Variants in SOX5 observed in about 807,000 individuals in gnomAD.
SOX5 encodes SRY-box transcription factor 5, also known as transcription factor SOX-5.
SOX5 carries 9 observed loss-of-function variants against 92.0 expected under a neutral mutation model. The observed-to-expected ratio is 0.10, with a 90% confidence interval of 0.06 to 0.17. SOX5 has a LOEUF of 0.17. Ranked by LOEUF, SOX5 falls within the 10% of genes least tolerant of loss-of-function variation. The pLI, the probability that SOX5 is intolerant of heterozygous loss-of-function variation, is 1.00. For synonymous variants in SOX5, 344 were observed against 336.3 expected, an observed-to-expected ratio of 1.02 and a Z score of -0.25; for missense variants, 642 against 944.5, an observed-to-expected ratio of 0.68 and a Z score of 4.20.
At position 23,727,929 on chromosome 12, in the gene SOX5, T is replaced by A. The variant is rs546989217; in HGVS notation, c.810+6755A>T. ...AGATGAAAATATATACACCTGTCAA[T>A]CCGTATGTCTGTCTACAGAGACAGG... On this transcript the variant is annotated intron_variant, in intron 6 of 14. Coordinates refer to ENST00000451604, the MANE Select transcript of SOX5 (RefSeq NM_006940.6). 1.6e-4 allele frequency among the ~76,000 whole-genome samples: 25 copies of A among 152,210 alleles called. No homozygotes were observed. The South Asian group carries it at 5.2e-3, about 32-fold the overall frequency.
At chr12:24,479,375 C>T (rs1302775285) in intron 1 of SOX5, among the ~76,000 whole-genome samples, 1 of 152,186 alleles carries the variant, frequency 6.6e-6, no homozygotes, top group Admixed American at 6.5e-5. Flanking sequence ...TAAGGCAGCA[C>T]CTATTAAGTG....
intron 1 of SOX5, among the ~76,000 whole-genome samples, chr12:23,916,100 G>T (rs2097413393): frequency 6.6e-6 from 1 of 152,066 alleles, no homozygotes; most frequent in Non-Finnish European, 1.5e-5. Context: ...AATGAAAAAA[G>T]AAAAACTAGT....
At chr12:23,645,596 T>C (rs1180912472) in intron 7 of SOX5, among the ~76,000 whole-genome samples, 9 of 152,230 alleles carry the variant, frequency 5.9e-5, no homozygotes, top group Non-Finnish European at 1.0e-4. Flanking sequence ...TGGGACACTT[T>C]TGCATTACTT....
chr12:23,919,325 T>C (rs1450657265), intron 1 of SOX5, among the ~76,000 whole-genome samples: 5 of 152,168 alleles, frequency 3.3e-5, no homozygotes, highest in Non-Finnish European at 5.9e-5. Flanking sequence ...TTAATGTTAG[T>C]ATAATCAAAA....
At chr12:24,530,331 G>A (rs116177807) in intron 1 of SOX5, among the ~76,000 whole-genome samples, 183 of 152,284 alleles carry the variant, frequency 1.2e-3, no homozygotes, top group African/African-American at 4.0e-3. Context: ...AGATGATGTC[G>A]TCGGATCCTC....
At chr12:24,127,272 T>A (rs1305421575) in intron 4 of SOX5, among the ~76,000 whole-genome samples, 1 of 151,584 alleles carries the variant, frequency 6.6e-6, no homozygotes, top group Non-Finnish European at 1.5e-5. Flanking sequence ...ATGCCTGTAG[T>A]CCCAGCTACT....
chr12:23,745,678 A>G (rs2093957845), intron 4 of SOX5, among the ~76,000 whole-genome samples: 2 of 152,096 alleles, frequency 1.3e-5, no homozygotes, highest in African/African-American at 4.8e-5. Flanking sequence ...TTCATTCTTC[A>G]TGCTCCAGCT....
At chr12:24,082,038 TTTG>T (rs1569536740) in intron 4 of SOX5, among the ~76,000 whole-genome samples, 1 of 151,882 alleles carries the variant, frequency 6.6e-6, no homozygotes, top group Non-Finnish European at 1.5e-5. Flanking sequence ...TGTATTTAAT[TTTG>T]TTGTTGTTGT....
intron 6 of SOX5, among the ~76,000 whole-genome samples, chr12:23,706,782 T>C (rs1375490808): frequency 6.6e-6 from 1 of 152,114 alleles, no homozygotes; most frequent in South Asian, 2.1e-4. Flanking sequence ...ACATAAAGTG[T>C]TATAGTGGCA....
intron 4 of SOX5, among the ~76,000 whole-genome samples, chr12:24,038,305 C>A (rs1013512918): frequency 6.6e-6 from 1 of 152,176 alleles, no homozygotes; most frequent in African/African-American, 2.4e-5. Flanking sequence ...TCATCCCTCC[C>A]AGGCTTTCCT....
intron 4 of SOX5, among the ~76,000 whole-genome samples, chr12:24,053,567 T>C (rs908295425): frequency 9.9e-5 from 15 of 152,218 alleles, no homozygotes; most frequent in Non-Finnish European, 1.9e-4. Flanking sequence ...AAAAATTTCC[T>C]ACCAAATCCC....
At chr12:24,158,729 G>A (rs1952451567) in intron 4 of SOX5, among the ~76,000 whole-genome samples, 5 of 151,838 alleles carry the variant, frequency 3.3e-5, no homozygotes. Flanking sequence ...AAACTCCTCT[G>A]AAGGCCTATG....
intron 1 of SOX5, among the ~76,000 whole-genome samples, chr12:24,532,870 C>A (rs986130759): frequency 2.0e-5 from 3 of 152,128 alleles, no homozygotes; most frequent in Non-Finnish European, 2.9e-5. Context: ...TCAAAGCGAG[C>A]GTCATAAAAT....
chr12:24,129,525 A>C (rs1038670879), intron 4 of SOX5, among the ~76,000 whole-genome samples: 1 of 152,160 alleles, frequency 6.6e-6, no homozygotes, highest in African/African-American at 2.4e-5. Flanking sequence ...GCAGGGATGG[A>C]TGGGCATATA....
At chr12:24,217,597 C>A (rs531570849) in intron 3 of SOX5, among the ~76,000 whole-genome samples, 31 of 152,080 alleles carry the variant, frequency 2.0e-4, no homozygotes, top group Non-Finnish European at 3.8e-4. Flanking sequence ...TTGTCAGACA[C>A]AATACCAATA....
rs12582122 is a variant in SOX5, at chr12:23,893,074, T to C, written c.270+2719A>G. Among the ~76,000 whole-genome samples the C allele has an allele frequency of 7.3e-4, 111 of 152,324 alleles. 2 individuals are homozygous for C. The East Asian group carries it at 0.021, about 29-fold the overall frequency. On this transcript the variant is annotated intron_variant, in intron 2 of 14. Transcript: ENST00000451604. ...AAGTTTGTGTCTTACTCAAATCTAT[T>C]TCCGTAGTGTCTAGCACAAAACATG...
At chr12:24,456,444 GA>G (rs971631856) in intron 1 of SOX5, among the ~76,000 whole-genome samples, 66 of 152,326 alleles carry the variant, frequency 4.3e-4, no homozygotes, top group African/African-American at 1.6e-3. Flanking sequence ...TACTAAGGAA[GA>G]AGGGTCAGAA....
chr12:23,584,477 A>T, intron 9 of SOX5: 1 of 1,108,958 alleles, frequency 9.0e-7, no homozygotes. Context: ...AGAAAGCATC[A>T]TTATGCATAA....
At chr12:23,545,621 T>G in intron 12 of SOX5, among the ~76,000 whole-genome samples, 1 of 152,070 alleles carries the variant, frequency 6.6e-6, no homozygotes, top group Admixed American at 6.6e-5. Flanking sequence ...TTCCAAAATG[T>G]AAGAAACTAT....
Sources: gnomAD v4.1 joint callset for allele counts (sites outside exome capture counted in the v4.1 genomes callset) on GRCh38, gnomAD v4.1.1 for gene constraint, MANE v1.5 for transcripts, NCBI Gene and HGNC (gene_info 2026-07-23, HGNC 2026-07-21) for gene names.